RBFOX1: variants seen among roughly 807,000 people sequenced by gnomAD.
RBFOX1 encodes the protein RNA binding protein fox-1 homolog 1.
Under a neutral mutation model 57.7 loss-of-function variants are expected in RBFOX1, and 8 were observed. The ratio of observed to expected loss-of-function variants is 0.14; its 90% CI spans 0.08 to 0.25. The LOEUF is 0.25. Ranked by LOEUF, RBFOX1 falls within the 10% of genes least tolerant of loss-of-function variation. The probability of loss-of-function intolerance (pLI) is 1.00; values close to 1 mark genes in which losing one functional copy is unlikely to be tolerated. For missense variants in RBFOX1, 611 were observed against 548.5 expected, an observed-to-expected ratio of 1.11 and a Z score of -1.14; for synonymous variants, 326 against 222.4, an observed-to-expected ratio of 1.47 and a Z score of -4.15.
chr16:5,278,749 T>G (rs1188752273), intron 1 of RBFOX1, among the ~76,000 whole-genome samples: 1 of 152,246 alleles, frequency 6.6e-6, no homozygotes, highest in African/African-American at 2.4e-5. Context: ...TTAATCAATT[T>G]TGAGTTTATT....
At chr16:6,346,952 A>T (rs945885372) in intron 2 of RBFOX1, among the ~76,000 whole-genome samples, 1 of 152,126 alleles carries the variant, frequency 6.6e-6, no homozygotes, top group African/African-American at 2.4e-5. Context: ...ATTTATTGAG[A>T]TTTCAATGTG....
chr16:6,927,406 C>G (rs2075785231), intron 3 of RBFOX1, among the ~76,000 whole-genome samples: 1 of 67,350 alleles, frequency 1.5e-5, no homozygotes, highest in Non-Finnish European at 2.5e-5. Context: ...GAGTGAGACG[C>G]TTTCTCACAA....
intron 3 of RBFOX1, among the ~76,000 whole-genome samples, chr16:6,935,137 T>A (rs974588243): frequency 6.6e-6 from 1 of 151,718 alleles, no homozygotes; most frequent in Non-Finnish European, 1.5e-5. Context: ...CCTATTCGAG[T>A]GACCTTGAGC....
intron 4 of RBFOX1, among the ~76,000 whole-genome samples, chr16:7,338,145 A>C (rs536799697): frequency 3.3e-5 from 5 of 152,236 alleles, no homozygotes; most frequent in African/African-American, 1.2e-4. Flanking sequence ...GCACCTATTA[A>C]CCCATCACCG....
intron 3 of RBFOX1, among the ~76,000 whole-genome samples, chr16:6,735,405 T>C (rs12600240): frequency 0.42 from 63,549 of 152,022 alleles, 13,754 homozygotes; most frequent in East Asian, 0.51. Context: ...GATTGGAAAA[T>C]TGTAAATAGG....
At chr16:5,961,221 A>G (rs983080412) in intron 4 of RBFOX1, among the ~76,000 whole-genome samples, 1 of 152,166 alleles carries the variant, frequency 6.6e-6, no homozygotes, top group Non-Finnish European at 1.5e-5. Context: ...ATTGCTTAAT[A>G]AAATTTGCAC....
At chr16:5,297,023 T>C (rs2063686813) in intron 1 of RBFOX1, among the ~76,000 whole-genome samples, 1 of 152,204 alleles carries the variant, frequency 6.6e-6, no homozygotes, top group Non-Finnish European at 1.5e-5. Context: ...GTTATTTGTC[T>C]TTCTGAGCTT....
chr16:5,305,291 C>T (rs1013756180), intron 1 of RBFOX1, among the ~76,000 whole-genome samples: 3 of 152,134 alleles, frequency 2.0e-5, no homozygotes, highest in Admixed American at 6.5e-5. Context: ...CTGAGCCTGG[C>T]ACCACACAGG....
At chr16:6,713,165 T>C (rs1425659258) in intron 3 of RBFOX1, among the ~76,000 whole-genome samples, 2 of 152,216 alleles carry the variant, frequency 1.3e-5, no homozygotes, top group East Asian at 1.9e-4. Flanking sequence ...TGCCAATCTT[T>C]TGTTCCCTCC....
chr16:5,911,094 G>C (rs1265798112), intron 4 of RBFOX1, among the ~76,000 whole-genome samples: 1 of 152,170 alleles, frequency 6.6e-6, no homozygotes, highest in African/African-American at 2.4e-5. Flanking sequence ...TAGGGGAACA[G>C]AAACTAAGGT....
At chr16:7,173,044 A>C (rs1318834319) in intron 4 of RBFOX1, among the ~76,000 whole-genome samples, 1 of 152,216 alleles carries the variant, frequency 6.6e-6, no homozygotes, top group African/African-American at 2.4e-5. Flanking sequence ...GGTAGAAATA[A>C]GATATTAGTA....
chr16:7,312,075 G>A (rs1473813914), intron 4 of RBFOX1, among the ~76,000 whole-genome samples: 6 of 152,166 alleles, frequency 3.9e-5, no homozygotes, highest in Non-Finnish European at 8.8e-5. Flanking sequence ...GCCTATAGAT[G>A]TTTGATAAAG....
intron 4 of RBFOX1, among the ~76,000 whole-genome samples, chr16:7,201,457 T>C (rs2088440041): frequency 7.5e-6 from 1 of 133,486 alleles, no homozygotes; most frequent in Admixed American, 7.4e-5. Context: ...TGATTCTTTT[T>C]TTTTTTTTTC....
At chr16:5,698,195 C>T (rs2050910559) in intron 3 of RBFOX1, among the ~76,000 whole-genome samples, 1 of 152,034 alleles carries the variant, frequency 6.6e-6, no homozygotes, top group Admixed American at 6.6e-5. Context: ...TTATAATTTT[C>T]TCTTCTTACA....
chr16:7,022,278 C>G (rs1003077925), intron 3 of RBFOX1, among the ~76,000 whole-genome samples: 2 of 151,238 alleles, frequency 1.3e-5, no homozygotes, highest in African/African-American at 4.9e-5. Context: ...GTCTTGAACT[C>G]AAGACATTAA....
At chr16:5,240,804 T>G (rs1400213432) in intron 1 of RBFOX1, among the ~76,000 whole-genome samples, 1 of 152,120 alleles carries the variant, frequency 6.6e-6, no homozygotes, top group Non-Finnish European at 1.5e-5. Context: ...GGGATGGGGC[T>G]CCGTGGCCAG....
intron 3 of RBFOX1, among the ~76,000 whole-genome samples, chr16:5,626,120 T>G (rs1291160495): frequency 1.3e-5 from 2 of 152,210 alleles, no homozygotes; most frequent in Non-Finnish European, 2.9e-5. Flanking sequence ...CCTCGGGTGA[T>G]CTGCCCGCCT....
At chr16:5,758,435 G>C (rs1056622117) in intron 3 of RBFOX1, among the ~76,000 whole-genome samples, 1 of 152,180 alleles carries the variant, frequency 6.6e-6, no homozygotes, top group African/African-American at 2.4e-5. Context: ...GGAGAAAGAA[G>C]AGAGGTTGGC....
intron 3 of RBFOX1, among the ~76,000 whole-genome samples, chr16:6,727,326 G>T (rs554839163): frequency 1.3e-5 from 2 of 151,916 alleles, no homozygotes; most frequent in South Asian, 4.2e-4. Context: ...AAACGCAATT[G>T]CTTTTGCACC....
Sources: allele counts gnomAD v4.1 joint callset (sites outside exome capture counted in the v4.1 genomes callset), GRCh38; gene constraint gnomAD v4.1.1; transcripts MANE v1.5; gene names NCBI Gene and HGNC (gene_info 2026-07-23, HGNC 2026-07-21).